The following PIK3CA variants were observed in gnomAD, a reference collection of about 807,000 sequenced individuals.
The protein encoded by PIK3CA is phosphatidylinositol-4,5-bisphosphate 3-kinase catalytic subunit alpha, also known as phosphatidylinositol 4,5-bisphosphate 3-kinase catalytic subunit alpha isoform.
PIK3CA carries 27 observed loss-of-function variants against 138.2 expected under a neutral mutation model. That is an observed-to-expected ratio of 0.20 (90% CI 0.14 to 0.27). The LOEUF (loss-of-function observed/expected upper bound fraction) is 0.27. Among genes scored for constraint, PIK3CA ranks in the 10% least tolerant of loss-of-function variants. The pLI is 1.00. For synonymous variants in PIK3CA, 358 were observed against 413.2 expected (o/e 0.87, Z 1.62); for missense variants, 544 against 1,277.4 (o/e 0.43, Z 8.75).
chr3:179,226,432 C>T (rs1381721052), intron 17 of PIK3CA, among the ~76,000 whole-genome samples: 4 of 152,134 alleles, frequency 2.6e-5, no homozygotes, highest in African/African-American at 9.6e-5. Flanking sequence ...CAAAATTATG[C>T]AACCAGCTAT....
chr3:179,232,091 G>A (rs1725227089), intron 20 of PIK3CA, among the ~76,000 whole-genome samples: 1 of 152,022 alleles, frequency 6.6e-6, no homozygotes, highest in East Asian at 1.9e-4. Context: ...TCTTTCTTTT[G>A]TTATGCAGAG....
At position 179,236,459 on chromosome 3, in the gene PIK3CA, A is replaced by G. The variant is rs1277844621; in HGVS notation, c.*2095A>G. Reference sequence around the variant, plus strand: ...ACATACTAACATCCCAGCCTTTTCAATATCAGGGTTAAATTATAGGAAAAC... The same window carrying G: ...ACATACTAACATCCCAGCCTTTTCAGTATCAGGGTTAAATTATAGGAAAAC... On this transcript the variant is annotated 3_prime_UTR_variant, in exon 21 of 21. Transcript: ENST00000263967. 1 of 215,770 alleles carries G rather than the reference A, an allele frequency of 4.6e-6. No individual in the cohort carries two copies. The highest frequency in any genetic ancestry group is 1.8e-4 in the South Asian group (1 of 5,474). The allele number at this position is 215,770 out of a possible 1,614,324, so 13.4% of individuals were successfully genotyped here.
chr3:179,225,891 C>A (rs1725070317), intron 16 of PIK3CA, 71 bp from the exon 17 acceptor site: 4 of 744,732 alleles, frequency 5.4e-6, no homozygotes, highest in Non-Finnish European at 9.8e-6. Flanking sequence ...CATTTGAAAA[C>A]CATGTGATGG....
intron 4 of PIK3CA, 135 bp downstream of exon 4, chr3:179,201,675 G>A (rs543594005): frequency 1.5e-5 from 9 of 585,718 alleles, no homozygotes; most frequent in African/African-American, 6.0e-5. Context: ...GCGCGATCTC[G>A]GCTCACTGCA....
chr3:179,226,233 A>G (rs1725079390), intron 17 of PIK3CA, among the ~76,000 whole-genome samples, 193 bp downstream of exon 17: 1 of 152,164 alleles, frequency 6.6e-6, no homozygotes, highest in African/African-American at 2.4e-5. Context: ...CAGCTAAGTA[A>G]AAAGAGCTAA....
At position 179,224,388 on chromosome 3, in the gene PIK3CA, T is replaced by C. The variant is rs17849074; in HGVS notation, c.2294+201T>C. ...TCAGAATGAGTTTTTACTACTTAAA[T>C]AATACAGTTTAAAACCTTCTATGGC... is the stretch of plus-strand genomic sequence containing the variant. On this transcript the variant is annotated intron_variant, in intron 15 of 20. Transcript: ENST00000263967. Among the ~76,000 whole-genome samples the C allele has an allele frequency of 5.7e-3, 870 of 152,282 alleles. 24 individuals are homozygous for C. In the East Asian group the frequency reaches 0.099, roughly 17 times the overall value.
chr3:179,198,300 G>A (rs144295894), intron 1 of PIK3CA, among the ~76,000 whole-genome samples: 2 of 152,252 alleles, frequency 1.3e-5, no homozygotes, highest in South Asian at 2.1e-4. Context: ...TCTAGGCATG[G>A]TTTTACTTAT....
intron 1 of PIK3CA, among the ~76,000 whole-genome samples, chr3:179,153,745 T>C (rs917166018): frequency 6.6e-6 from 1 of 152,236 alleles, no homozygotes; most frequent in African/African-American, 2.4e-5. Context: ...GCCTGAGTTT[T>C]CCTTTAAGTT....
chr3:179,236,118 A>G lies in PIK3CA; in HGVS notation c.*1754A>G. The G allele has an allele frequency of 4.9e-6, 1 of 205,778 alleles. No homozygotes were observed. Among genetic ancestry groups the G allele is most frequent in the East Asian group, 7.4e-5 (1 of 13,480 alleles). 12.7% of individuals were successfully genotyped at this position (205,778 alleles called of 1,614,324 possible). ...TATTCATTTATGAAATCTGTTACCTATAGTTGAAGTCTTGAGTAGTGAACA... is the reference window on the plus strand; with the variant it reads ...TATTCATTTATGAAATCTGTTACCTGTAGTTGAAGTCTTGAGTAGTGAACA... On this transcript the variant is annotated 3_prime_UTR_variant, in exon 21 of 21. Transcript: ENST00000263967.
At chr3:179,174,868 C>G (rs1723656474) in intron 1 of PIK3CA, among the ~76,000 whole-genome samples, 2 of 152,198 alleles carry the variant, frequency 1.3e-5, no homozygotes, top group African/African-American at 4.8e-5. Context: ...TCTCAGAAAT[C>G]TGCTTAGTTA....
At chr3:179,149,691 C>G (rs1722959870) in intron 1 of PIK3CA, 1 of 152,064 alleles carries the variant, frequency 6.6e-6, no homozygotes, top group African/African-American at 2.4e-5. Flanking sequence ...TTTGTGTGGC[C>G]GGGGAGAACC....
intron 17 of PIK3CA, among the ~76,000 whole-genome samples, chr3:179,228,363 T>A (rs1286955939): frequency 2.0e-5 from 3 of 152,044 alleles, no homozygotes; most frequent in African/African-American, 7.2e-5. Flanking sequence ...GGGTAAGAGA[T>A]CCATTAAAAG....
In PIK3CA at chr3:179,203,736, A is replaced by G; in HGVS notation, c.1006A>G (p.Ile336Val). 3 of 1,612,814 alleles carry G rather than the reference A, an allele frequency of 1.9e-6. No individual in the cohort carries two copies. Among genetic ancestry groups the G allele is most frequent in the Non-Finnish European group, 2.5e-6 (3 of 1,179,334 alleles). ...SLWVINSALR[I>V]KILCATYVNV... is the part of the protein sequence containing the mutation. Reference sequence around the variant, plus strand: ...TTGGGTTATAAATAGTGCACTCAGAATAAAAATTCTTTGTGCAACCTACGT... The same window carrying G: ...TTGGGTTATAAATAGTGCACTCAGAGTAAAAATTCTTTGTGCAACCTACGT... Residue 336 changes from isoleucine (I) to valine (V), a missense_variant, in exon 5 of 21, where the codon ATA (isoleucine) becomes GTA (valine). By Grantham distance (29) the Ile-to-Val change is conservative. Coordinates refer to ENST00000263967, the MANE Select transcript of PIK3CA (RefSeq NM_006218.4).
intron 1 of PIK3CA, among the ~76,000 whole-genome samples, chr3:179,163,017 A>G (rs558624251): frequency 1.3e-5 from 2 of 152,302 alleles, no homozygotes; most frequent in Non-Finnish European, 2.9e-5. Context: ...ATTAGAGTAA[A>G]TGAAAGAGTT....
At chr3:179,151,347 C>G (rs896662867) in intron 1 of PIK3CA, among the ~76,000 whole-genome samples, 2 of 152,140 alleles carry the variant, frequency 1.3e-5, no homozygotes, top group African/African-American at 2.4e-5. Context: ...AATCTCCAGC[C>G]TGTTTTTTAA....
intron 9 of PIK3CA, among the ~76,000 whole-genome samples, chr3:179,216,223 A>G (rs962383164): frequency 1.3e-5 from 2 of 152,206 alleles, no homozygotes; most frequent in African/African-American, 4.8e-5. Flanking sequence ...ATATATTTCT[A>G]ACAACAAAAA....
At chr3:179,165,726 C>G (rs575842843) in intron 1 of PIK3CA, among the ~76,000 whole-genome samples, 1 of 152,228 alleles carries the variant, frequency 6.6e-6, no homozygotes, top group African/African-American at 2.4e-5. Context: ...ACATTTTTTT[C>G]TCATGGACAC....
intron 1 of PIK3CA, among the ~76,000 whole-genome samples, chr3:179,186,241 A>G (rs1381602100): frequency 6.6e-6 from 1 of 152,214 alleles, no homozygotes; most frequent in Non-Finnish European, 1.5e-5. Context: ...TTCTTAATTT[A>G]ATTAAGATGT....
rs954573726 is a variant in PIK3CA, at chr3:179,222,237, G to GA, written c.2187+1091dup. The stretch of plus-strand genomic sequence containing the variant: ...GCATCTTCATTACTAGTACTTGAAG[G>GA]AAAAAAAAAAATTAAAACAAAGTTA... On this transcript the variant is annotated intron_variant, in intron 14 of 20. Transcript: ENST00000263967. Among the ~76,000 whole-genome samples the GA allele has an allele frequency of 2.3e-4, 34 of 146,564 alleles. 1 individual carries two copies. The highest frequency in any genetic ancestry group is 1.8e-3 in the East Asian group (9 of 5,052).
Sources: allele counts gnomAD v4.1 joint callset (sites outside exome capture counted in the v4.1 genomes callset), GRCh38; gene constraint gnomAD v4.1.1; transcripts MANE v1.5; gene names NCBI Gene and HGNC (gene_info 2026-07-23, HGNC 2026-07-21).